TIMD4: variants seen among roughly 807,000 people sequenced by gnomAD.
TIMD4 encodes T cell immunoglobulin and mucin domain containing 4, also known as T-cell immunoglobulin and mucin domain-containing protein 4.
Under a neutral mutation model 41.2 loss-of-function variants are expected in TIMD4, and 31 were observed. The observed-to-expected ratio is 0.75, with a 90% CI of 0.57 to 1.01. The LOEUF (loss-of-function observed/expected upper bound fraction) is 1.01. Ranked by LOEUF, TIMD4 falls within the 50% of genes least tolerant of loss-of-function variation. The probability of loss-of-function intolerance (pLI) is 0.00; values close to 1 mark genes in which losing one functional copy is unlikely to be tolerated. For synonymous variants in TIMD4, 204 were observed against 177.1 expected (o/e 1.15, Z -1.21); for missense variants, 479 against 472.5 (o/e 1.01, Z -0.13).
intron 5 of TIMD4, among the ~76,000 whole-genome samples, chr5:156,927,306 C>T (rs975502117): frequency 6.6e-6 from 1 of 152,186 alleles, no homozygotes; most frequent in Non-Finnish European, 1.5e-5. Context: ...TAAGAATTAG[C>T]CAGGCAAGGA....
rs375610842 is a variant in TIMD4, at chr5:156,921,552, G to A, written c.1012+547C>T. Among the ~76,000 whole-genome samples the A allele has an allele frequency of 1.5e-3, 231 of 149,576 alleles. 1 individual carries two copies. Among genetic ancestry groups the A allele is most frequent in the African/African-American group, 5.3e-3 (216 of 40,552 alleles). On this transcript the variant is annotated intron_variant, in intron 7 of 8. Transcript: ENST00000274532. ...GGAGAATCACTTGAACCCAGGAGGC[G>A]GAGGTGCAGTAAGCTGAGATCACGC...
intron 5 of TIMD4, among the ~76,000 whole-genome samples, chr5:156,927,507 A>G (rs1759369844): frequency 6.6e-6 from 1 of 152,204 alleles, no homozygotes; most frequent in Non-Finnish European, 1.5e-5. Flanking sequence ...GTAAGTCTCC[A>G]TTGGATTCTG....
intron 2 of TIMD4, among the ~76,000 whole-genome samples, chr5:156,952,386 C>T (rs1221740387): frequency 6.6e-6 from 1 of 152,104 alleles, no homozygotes; most frequent in African/African-American, 2.4e-5. Flanking sequence ...CCCAGTCCTG[C>T]ACCTTGGCCT....
At chr5:156,942,988 C>T (rs1369146790) in intron 5 of TIMD4, among the ~76,000 whole-genome samples, 3 of 152,188 alleles carry the variant, frequency 2.0e-5, no homozygotes, top group Non-Finnish European at 4.4e-5. Context: ...CTGAGAATTA[C>T]TACTATGAGA....
chr5:156,949,454 T>TTC (rs147566138), intron 4 of TIMD4, among the ~76,000 whole-genome samples, 197 bp downstream of exon 4: 21 of 145,760 alleles, frequency 1.4e-4, no homozygotes, highest in South Asian at 2.2e-4. Context: ...CTCCTCCTCC[T>TTC]TCTCTCTCTC....
chr5:156,942,463 C>G (rs74531909), intron 5 of TIMD4, among the ~76,000 whole-genome samples: 1 of 152,186 alleles, frequency 6.6e-6, no homozygotes, highest in Non-Finnish European at 1.5e-5. Flanking sequence ...GACTTCCCCC[C>G]TACATCCCCT....
intron 5 of TIMD4, 111 bp from the exon 6 acceptor site, chr5:156,926,423 T>C (rs1309280524): frequency 4.7e-6 from 5 of 1,067,460 alleles, no homozygotes; most frequent in Non-Finnish European, 5.6e-6. Flanking sequence ...ATGTGTTTAA[T>C]TATTTAATCC....
rs1390391445 is a variant in TIMD4, at chr5:156,922,195, T to C, written c.916A>G (p.Met306Val). The change falls in exon 7 of 9, where the codon ATG becomes GTG. Residue 306 changes from methionine to valine, a missense_variant. By Grantham distance (21) the Met-to-Val change is conservative (BLOSUM62 1). Transcript: ENST00000274532. ...TGQMDGIPMS[M>V]KNEMPISQLL... ...TGGGAGATGGGCATTTCATTCTTCA[T>C]TGACATGGGTATTCCATCCATCTGA... is the stretch of plus-strand genomic sequence containing the variant. 1.9e-6 allele frequency: 3 copies of C among 1,613,796 alleles called. No individual in the cohort carries two copies. Among genetic ancestry groups the C allele is most frequent in the South Asian group, 2.2e-5 (2 of 91,054 alleles).
intron 5 of TIMD4, among the ~76,000 whole-genome samples, chr5:156,936,368 T>C (rs563256914): frequency 6.6e-6 from 1 of 152,320 alleles, no homozygotes; most frequent in South Asian, 2.1e-4. Flanking sequence ...ACTGAGCACT[T>C]ACTGCATGCC....
chr5:156,933,166 T>G (rs1759474239), intron 5 of TIMD4, among the ~76,000 whole-genome samples: 1 of 152,192 alleles, frequency 6.6e-6, no homozygotes, highest in Non-Finnish European at 1.5e-5. Flanking sequence ...AGAATGATTT[T>G]GAAAAGAAAA....
At chr5:156,944,497 T>C (rs76261495) in intron 5 of TIMD4, among the ~76,000 whole-genome samples, 5 of 33,494 alleles carry the variant, frequency 1.5e-4, no homozygotes, top group South Asian at 1.8e-3. Flanking sequence ...TGTGTGATCT[T>C]TTTTTTTTTT....
At chr5:156,954,379 C>G in intron 2 of TIMD4, 36 bp downstream of exon 2, 1 of 1,581,020 alleles carries the variant, frequency 6.3e-7, no homozygotes. Flanking sequence ...CACTGAATCT[C>G]TCCTTCCGCA....
chr5:156,959,877 C>G (rs57253043), intron 1 of TIMD4, among the ~76,000 whole-genome samples: 5,296 of 151,938 alleles, frequency 0.035, 313 homozygotes, highest in African/African-American at 0.12. Flanking sequence ...CCTGTCTCTA[C>G]TAAAAAATAC....
At chr5:156,948,342 A>C in intron 5 of TIMD4, 74 bp downstream of exon 5, 1 of 911,658 alleles carries the variant, frequency 1.1e-6, no homozygotes, top group African/African-American at 1.8e-5. Context: ...AAAAAAAGCA[A>C]GATTCTGTCT....
intron 5 of TIMD4, among the ~76,000 whole-genome samples, chr5:156,939,773 C>G (rs938164111): frequency 2.6e-5 from 4 of 152,180 alleles, no homozygotes; most frequent in Non-Finnish European, 5.9e-5. Context: ...GGCTGTTACT[C>G]CGTCCCCTCT....
At chr5:156,925,864 A>G (rs1462240941) in intron 6 of TIMD4, among the ~76,000 whole-genome samples, 1 of 152,156 alleles carries the variant, frequency 6.6e-6, no homozygotes, top group Non-Finnish European at 1.5e-5. Flanking sequence ...TTCCTAGTCC[A>G]TCTCTGCAAA....
intron 8 of TIMD4, among the ~76,000 whole-genome samples, 188 bp downstream of exon 8, chr5:156,920,276 G>C (rs1434310802): frequency 6.6e-6 from 1 of 152,180 alleles, no homozygotes; most frequent in Non-Finnish European, 1.5e-5. Flanking sequence ...ATTTTGCTCA[G>C]AGTGTTAACC....
chr5:156,950,120 T>A (rs201533509), intron 3 of TIMD4, among the ~76,000 whole-genome samples: 1 of 16,110 alleles, frequency 6.2e-5, no homozygotes, highest in Non-Finnish European at 1.3e-4. Context: ...ACCTGGCCAC[T>A]TTTTTTTTCT....
intron 5 of TIMD4, among the ~76,000 whole-genome samples, chr5:156,938,953 T>C (rs966406255): frequency 6.6e-6 from 1 of 152,188 alleles, no homozygotes; most frequent in Non-Finnish European, 1.5e-5. Context: ...TTCTGGTGTC[T>C]TCCTGTCTAG....
Sources: gnomAD v4.1 joint callset for allele counts (sites outside exome capture counted in the v4.1 genomes callset) on GRCh38, gnomAD v4.1.1 for gene constraint, MANE v1.5 for transcripts, NCBI Gene and HGNC (gene_info 2026-07-23, HGNC 2026-07-21) for gene names.